PRKCE: variants seen among roughly 807,000 people sequenced by gnomAD.
PRKCE encodes protein kinase C epsilon type.
Under a neutral mutation model 85.4 loss-of-function variants are expected in PRKCE, and 16 were observed. That is an observed-to-expected ratio of 0.19 (90% CI 0.13 to 0.28). PRKCE has a LOEUF of 0.28. Ranked by LOEUF, PRKCE falls within the 10% of genes least tolerant of loss-of-function variation. The pLI is 1.00. For synonymous variants in PRKCE, 388 were observed against 371.5 expected, an observed-to-expected ratio of 1.04 and a Z score of -0.51; for missense variants, 573 against 975.2, an observed-to-expected ratio of 0.59 and a Z score of 5.49.
intron 11 of PRKCE, among the ~76,000 whole-genome samples, chr2:46,126,412 C>A (rs775560176): frequency 2.6e-5 from 4 of 151,934 alleles, no homozygotes; most frequent in African/African-American, 7.3e-5. Flanking sequence ...TGCCTTGGAC[C>A]CCTTAGGAGG....
chr2:45,816,000 C>T (rs995256307), intron 1 of PRKCE, among the ~76,000 whole-genome samples: 3 of 152,146 alleles, frequency 2.0e-5, no homozygotes, highest in Admixed American at 6.5e-5. Context: ...ACCTTTATGG[C>T]GATTAATGCA....
rs372942750 is a variant in PRKCE at position 45,859,653 on chromosome 2, A to G, written c.412+16590A>G. 2.0e-5 allele frequency among the ~76,000 whole-genome samples: 3 copies of G among 151,994 alleles called. No homozygotes were observed. In the South Asian group the frequency reaches 6.2e-4, roughly 32 times the overall value. On this transcript the variant is annotated intron_variant, in intron 2 of 14. Coordinates refer to ENST00000306156, the MANE Select transcript of PRKCE (RefSeq NM_005400.3). ...GTGCATTTTTCTGTTGTTTTTGTCTATTTCTTAGTGCTTCAGAGGCAGTCA... is the reference window on the plus strand; with the variant it reads ...GTGCATTTTTCTGTTGTTTTTGTCTGTTTCTTAGTGCTTCAGAGGCAGTCA...
chr2:45,852,289 C>T (rs1258408525), intron 2 of PRKCE, among the ~76,000 whole-genome samples: 4 of 152,168 alleles, frequency 2.6e-5, no homozygotes, highest in Non-Finnish European at 4.4e-5. Flanking sequence ...AACAAAAACC[C>T]GTGACCTCTA....
intron 10 of PRKCE, among the ~76,000 whole-genome samples, chr2:46,074,642 C>G (rs182571459): frequency 2.6e-5 from 4 of 152,252 alleles, no homozygotes; most frequent in Admixed American, 2.6e-4. Context: ...GGTACAGGAA[C>G]TGATAAGGTG....
intron 1 of PRKCE, among the ~76,000 whole-genome samples, chr2:45,744,413 TTTTCTTTCTTTC>T (rs1164620024): frequency 0.058 from 6,810 of 117,576 alleles, 563 homozygotes; most frequent in East Asian, 0.11. Flanking sequence ...CTTTCTTTTC[TTTTCTTTCTTTC>T]TTTCTTTCTT....
chr2:45,935,067 TCACACACA>T (rs1553453521), intron 2 of PRKCE, among the ~76,000 whole-genome samples: 8 of 146,248 alleles, frequency 5.5e-5, no homozygotes, highest in Admixed American at 1.4e-4. Flanking sequence ...ACTCTCTCTC[TCACACACA>T]CACACACACA....
chr2:46,150,273 C>T (rs989581951), intron 12 of PRKCE, among the ~76,000 whole-genome samples: 1 of 152,174 alleles, frequency 6.6e-6, no homozygotes, highest in Admixed American at 6.5e-5. Context: ...TGACCATTGT[C>T]AAAGACAAAA....
chr2:45,796,982 A>C (rs1235618156), intron 1 of PRKCE, among the ~76,000 whole-genome samples: 1 of 152,214 alleles, frequency 6.6e-6, no homozygotes, highest in African/African-American at 2.4e-5. Flanking sequence ...GACATCATTG[A>C]GGGTTACGTA....
chr2:45,652,022 G>T lies in PRKCE; in HGVS notation c.-79G>T. 1 of 1,142,460 alleles carries T rather than the reference G, an allele frequency of 8.8e-7. No homozygotes were observed. Among genetic ancestry groups the T allele is most frequent in the South Asian group, 1.5e-5 (1 of 66,576 alleles). The allele number at this position is 1,142,460 out of a possible 1,614,324, so 70.8% of individuals were successfully genotyped here. A position where few individuals can be genotyped will look rare whatever the true frequency, so the allele number is the denominator to read the frequency against. Reference sequence around the variant, plus strand: ...GGGGACCCAAGAGTCCCTGTGGCTCGGAGTGCCGGGCCGTCGGTTCTTCAT... The same window carrying T: ...GGGGACCCAAGAGTCCCTGTGGCTCTGAGTGCCGGGCCGTCGGTTCTTCAT... On this transcript the variant is annotated 5_prime_UTR_variant, in exon 1 of 15. Coordinates refer to ENST00000306156, the MANE Select transcript of PRKCE (RefSeq NM_005400.3). The surrounding 1 kb of genome is among the most constrained non-coding windows in gnomAD (Gnocchi z 7.7).
chr2:45,763,476 C>T (rs554705190), intron 1 of PRKCE, among the ~76,000 whole-genome samples: 147 of 152,332 alleles, frequency 9.6e-4, no homozygotes, highest in Non-Finnish European at 1.0e-4. Flanking sequence ...TAATGTTGTG[C>T]AGCCTAGTAC....
At chr2:45,692,548 G>A (rs563745579) in intron 1 of PRKCE, among the ~76,000 whole-genome samples, 8 of 152,202 alleles carry the variant, frequency 5.3e-5, no homozygotes, top group Admixed American at 5.2e-4. Flanking sequence ...CATCAGTACC[G>A]AGGGCTAGGA....
intron 1 of PRKCE, among the ~76,000 whole-genome samples, chr2:45,763,710 A>G (rs1436031595): frequency 6.6e-6 from 1 of 152,062 alleles, no homozygotes; most frequent in Admixed American, 6.6e-5. Context: ...AGACTCAGTG[A>G]GCGCTAAAGT....
At chr2:45,998,988 CT>C (rs1194590813) in intron 6 of PRKCE, among the ~76,000 whole-genome samples, 2 of 152,110 alleles carry the variant, frequency 1.3e-5, no homozygotes, top group African/African-American at 4.8e-5. Context: ...CCCTGCCATC[CT>C]TGTCTCATTA....
chr2:46,093,261 T>C (rs1670351506), intron 11 of PRKCE, among the ~76,000 whole-genome samples: 1 of 152,192 alleles, frequency 6.6e-6, no homozygotes, highest in African/African-American at 2.4e-5. Context: ...GTTTTATAGG[T>C]GCAGAACTTG....
intron 1 of PRKCE, among the ~76,000 whole-genome samples, chr2:45,672,224 C>G (rs1033164203): frequency 3.9e-5 from 6 of 152,036 alleles, no homozygotes; most frequent in African/African-American, 1.4e-4. Context: ...TCATCCATCT[C>G]TACATCCATC....
chr2:45,905,231 G>T lies in PRKCE; in HGVS notation c.412+62168G>T, dbSNP rs1300533135. Among the ~76,000 whole-genome samples, 1 of 152,196 alleles carries T rather than the reference G, an allele frequency of 6.6e-6. No individual in the cohort carries two copies. The highest frequency in any genetic ancestry group is 2.4e-5 in the African/African-American group (1 of 41,444). Reference sequence around the variant, plus strand: ...ATGGCCAAGCCTCAGGAACCTCTTGGCTGGCTCTCCAACATAGCCCACGCT... The same window carrying T: ...ATGGCCAAGCCTCAGGAACCTCTTGTCTGGCTCTCCAACATAGCCCACGCT... On this transcript the variant is annotated intron_variant, in intron 2 of 14. Coordinates refer to ENST00000306156, the MANE Select transcript of PRKCE (RefSeq NM_005400.3). The surrounding 1 kb of genome is among the most constrained non-coding windows in gnomAD (Gnocchi z 4.4).
rs34548067 is a variant in PRKCE at position 46,105,017 on chromosome 2, C to CT, written c.1592+18667dup. ...AATAAATGTCCTCTGTGACATCTTC[C>CT]TTTTTTTTTTTTCCCCAGAATAGAG... On this transcript the variant is annotated intron_variant, in intron 11 of 14. Coordinates refer to ENST00000306156, the MANE Select transcript of PRKCE (RefSeq NM_005400.3). 7.4e-3 allele frequency among the ~76,000 whole-genome samples: 1,078 copies of CT among 144,700 alleles called. 10 individuals are homozygous for CT. Among genetic ancestry groups the CT allele is most frequent in the African/African-American group, 0.023 (932 of 39,994 alleles). The allele number at this position is 144,700 out of a possible 152,430, so 94.9% of individuals were successfully genotyped here.
intron 10 of PRKCE, among the ~76,000 whole-genome samples, chr2:46,024,095 C>T (rs1166213529): frequency 6.6e-6 from 1 of 152,116 alleles, no homozygotes; most frequent in African/African-American, 2.4e-5. Context: ...GGGAGATTAG[C>T]CTCCTGAGGA....
intron 10 of PRKCE, chr2:46,073,401 C>T (rs1249200417): frequency 2.6e-5 from 4 of 152,178 alleles, no homozygotes; most frequent in African/African-American, 9.7e-5. Context: ...AGTTTCTCTT[C>T]AGTTTGTCCT....
Sources: gnomAD v4.1 joint callset for allele counts (sites outside exome capture counted in the v4.1 genomes callset) on GRCh38, gnomAD v4.1.1 for gene constraint, Gnocchi (gnomAD v3.1) non-coding constraint, MANE v1.5 for transcripts, NCBI Gene and HGNC (gene_info 2026-07-23, HGNC 2026-07-21) for gene names.